The following CSMD1 variants were observed in gnomAD, a reference collection of about 807,000 sequenced individuals.
CSMD1 encodes the protein CUB and Sushi multiple domains 1.
In CSMD1, 213 loss-of-function variants were observed where a neutral mutation model predicts 417.5. The observed-to-expected ratio is 0.51, with a 90% confidence interval of 0.46 to 0.57. The LOEUF (loss-of-function observed/expected upper bound fraction) is 0.57. CSMD1 is among the 20% of genes least tolerant of loss of function. The pLI, the probability that CSMD1 is intolerant of heterozygous loss-of-function variation, is 0.00. For synonymous variants in CSMD1, 2,862 were observed against 1,736.8 expected (o/e 1.65, Z -16.11); for missense variants, 6,923 against 4,529.7 (o/e 1.53, Z -15.17).
chr8:4,714,282 C>T (rs932381266), intron 1 of CSMD1, among the ~76,000 whole-genome samples: 2 of 152,186 alleles, frequency 1.3e-5, no homozygotes, highest in Non-Finnish European at 2.9e-5. Flanking sequence ...CAAACAGATG[C>T]CATCTTTTTT....
At chr8:3,751,807 G>C (rs974411394) in intron 6 of CSMD1, among the ~76,000 whole-genome samples, 1 of 152,066 alleles carries the variant, frequency 6.6e-6, no homozygotes, top group South Asian at 2.1e-4. Flanking sequence ...GATCAGGTTT[G>C]AGAAACAAAC....
chr8:4,424,830 G>C (rs1469448248), intron 2 of CSMD1, among the ~76,000 whole-genome samples: 1 of 152,002 alleles, frequency 6.6e-6, no homozygotes, highest in Non-Finnish European at 1.5e-5. Flanking sequence ...GTTTCCACTT[G>C]AGAAACTGGT....
intron 47 of CSMD1, among the ~76,000 whole-genome samples, chr8:3,093,338 C>A (rs899887052): frequency 6.6e-6 from 1 of 152,122 alleles, no homozygotes; most frequent in African/African-American, 2.4e-5. Flanking sequence ...ACCCCTTCCG[C>A]TTAAAGGTTC....
chr8:4,251,139 A>G (rs1344507028), intron 3 of CSMD1, among the ~76,000 whole-genome samples: 4 of 152,198 alleles, frequency 2.6e-5, no homozygotes, highest in South Asian at 2.1e-4. Flanking sequence ...TTTAAAAGAG[A>G]AAAGTATAAA....
At chr8:4,096,335 TAGGAC>T (rs1283356203) in intron 3 of CSMD1, among the ~76,000 whole-genome samples, 1 of 151,480 alleles carries the variant, frequency 6.6e-6, no homozygotes, top group African/African-American at 2.4e-5. Context: ...AACCCAGAAA[TAGGAC>T]AGCTTGGATT....
At chr8:3,951,060 T>C (rs1365614875) in intron 5 of CSMD1, among the ~76,000 whole-genome samples, 1 of 152,260 alleles carries the variant, frequency 6.6e-6, no homozygotes, top group East Asian at 1.9e-4. Context: ...CTGTTTCAAC[T>C]ATTTGAAAAT....
chr8:3,162,362 C>T, intron 37 of CSMD1, 85 bp from the exon 38 acceptor site: 1 of 856,070 alleles, frequency 1.2e-6, no homozygotes, highest in Admixed American at 2.0e-5. Flanking sequence ...ATTTCTATTG[C>T]TCTCCTTCTG....
intron 2 of CSMD1, among the ~76,000 whole-genome samples, chr8:4,588,374 CAGAGATAAAGA>C (rs1799809939): frequency 1.6e-5 from 1 of 61,724 alleles, no homozygotes; most frequent in African/African-American, 5.5e-5. Flanking sequence ...TATCTAGAGA[CAGAGATAAAGA>C]ACTATCTCAT....
intron 26 of CSMD1, among the ~76,000 whole-genome samples, chr8:3,258,411 T>A (rs1472841802): frequency 6.6e-6 from 1 of 152,176 alleles, no homozygotes; most frequent in African/African-American, 2.4e-5. Context: ...TCACACCAGT[T>A]ACAATGGCTA....
intron 5 of CSMD1, among the ~76,000 whole-genome samples, chr8:3,962,752 C>T (rs578014513): frequency 1.3e-5 from 2 of 152,068 alleles, no homozygotes; most frequent in Admixed American, 6.6e-5. Flanking sequence ...TGGACACTCT[C>T]AGAGGCTGGC....
chr8:3,768,508 T>C (rs59154819), intron 5 of CSMD1, among the ~76,000 whole-genome samples: 3,018 of 152,300 alleles, frequency 0.02, 76 homozygotes, highest in African/African-American at 0.069. Flanking sequence ...AACAAGAATA[T>C]AAAATAGCAT....
intron 5 of CSMD1, among the ~76,000 whole-genome samples, chr8:3,781,216 A>T (rs897303546): frequency 1.3e-5 from 2 of 152,168 alleles, no homozygotes; most frequent in Non-Finnish European, 2.9e-5. Flanking sequence ...AGCAAAATTT[A>T]AAAAATTGCA....
At chr8:3,489,289 C>G (rs895720886) in intron 11 of CSMD1, among the ~76,000 whole-genome samples, 13 of 152,182 alleles carry the variant, frequency 8.5e-5, no homozygotes, top group African/African-American at 2.9e-4. Flanking sequence ...ATCCACACAT[C>G]TGGTTAGGCA....
intron 5 of CSMD1, among the ~76,000 whole-genome samples, chr8:3,860,594 A>G (rs1036916944): frequency 6.6e-6 from 1 of 152,182 alleles, no homozygotes; most frequent in African/African-American, 2.4e-5. Context: ...CATATTACAC[A>G]TCATATATGA....
intron 5 of CSMD1, among the ~76,000 whole-genome samples, chr8:3,993,779 G>A (rs574457982): frequency 2.6e-5 from 4 of 152,320 alleles, no homozygotes; most frequent in South Asian, 4.1e-4. Flanking sequence ...GTTTTCCAGG[G>A]AGGGAGATCA....
intron 3 of CSMD1, among the ~76,000 whole-genome samples, chr8:4,162,392 A>T (rs1455520109): frequency 6.6e-6 from 1 of 152,176 alleles, no homozygotes; most frequent in Non-Finnish European, 1.5e-5. Context: ...TTTTATCTTG[A>T]CAGTAAATCT....
rs182543405 is a variant in CSMD1 at position 3,888,389 on chromosome 8, C to G, written c.818+109514G>C. On this transcript the variant is annotated intron_variant, in intron 5 of 69. Coordinates refer to ENST00000635120, the MANE Select transcript of CSMD1 (RefSeq NM_033225.6). ...GCTCTAAACAAGCTTCATAGAGAAGCCTATTTCATTCTATACGGAAACCTT... is the reference window on the plus strand; with the variant it reads ...GCTCTAAACAAGCTTCATAGAGAAGGCTATTTCATTCTATACGGAAACCTT... 2.4e-3 allele frequency among the ~76,000 whole-genome samples: 368 copies of G among 152,248 alleles called. 4 individuals carry two copies. The highest frequency in any genetic ancestry group is 1.7e-3 in the Non-Finnish European group (115 of 68,016).
chr8:4,645,086 C>T (rs1803438430), intron 1 of CSMD1, among the ~76,000 whole-genome samples: 1 of 152,276 alleles, frequency 6.6e-6, no homozygotes, highest in South Asian at 2.1e-4. Flanking sequence ...GCTATTCTCT[C>T]AACCCTGTTC....
Position 3,077,702 on chromosome 8 carries a change from G to C in CSMD1, c.7474+9395C>G, listed in dbSNP as rs60092927. On this transcript the variant is annotated intron_variant, in intron 49 of 69. Coordinates refer to ENST00000635120, the MANE Select transcript of CSMD1 (RefSeq NM_033225.6). The stretch of plus-strand genomic sequence containing the variant: ...CTTACCCACTGCAGCCCCGACCCCG[G>C]CTTGCCTACACATTTTCCCCCAGAG... Among the ~76,000 whole-genome samples, 463 of 152,302 alleles carry C rather than the reference G, an allele frequency of 3.0e-3. 1 individual carries two copies. Among genetic ancestry groups the C allele is most frequent in the African/African-American group, 0.011 (441 of 41,564 alleles).
Sources: allele counts gnomAD v4.1 joint callset (sites outside exome capture counted in the v4.1 genomes callset), GRCh38; gene constraint gnomAD v4.1.1; transcripts MANE v1.5; gene names NCBI Gene and HGNC (gene_info 2026-07-23, HGNC 2026-07-21).